GHR: variants seen among roughly 807,000 people sequenced by gnomAD.
The protein encoded by GHR is GH receptor.
In GHR, 35 loss-of-function variants were observed where a neutral mutation model predicts 67.1. That is an observed-to-expected ratio of 0.52 (90% CI 0.40 to 0.69). The LOEUF is 0.69. Ranked by LOEUF, GHR falls within the 30% of genes least tolerant of loss-of-function variation. The pLI is 0.00. For missense variants in GHR, 792 were observed against 764.6 expected (o/e 1.04, Z -0.42); for synonymous variants, 272 against 269.1 (o/e 1.01, Z -0.10).
At chr5:42,535,335 T>G (rs1318589135) in intron 1 of GHR, among the ~76,000 whole-genome samples, 1 of 152,140 alleles carries the variant, frequency 6.6e-6, no homozygotes, top group Non-Finnish European at 1.5e-5. Context: ...ATTTTTTGTA[T>G]GAGGTAAGAG....
At position 42,711,378 on chromosome 5, in the gene GHR, AG is replaced by A; in HGVS notation, c.784+7del. The A allele has an allele frequency of 6.3e-7, 1 of 1,597,726 alleles. No homozygotes were observed. The highest frequency in any genetic ancestry group is 2.2e-5 in the East Asian group (1 of 44,766). Reference sequence around the variant, plus strand: ...CCAATTTACATGTGAAGAAGGTAAAAGAAATAAAAGATTAAAATAGTAGCTA... The same window carrying A: ...CCAATTTACATGTGAAGAAGGTAAAAAAATAAAAGATTAAAATAGTAGCTA... On this transcript the variant is annotated splice_region_variant and intron_variant, in intron 7 of 9. Coordinates refer to ENST00000230882, the MANE Select transcript of GHR (RefSeq NM_000163.5).
chr5:42,602,379 C>T (rs944886220), intron 2 of GHR, among the ~76,000 whole-genome samples: 2 of 152,090 alleles, frequency 1.3e-5, no homozygotes, highest in Non-Finnish European at 2.9e-5. Context: ...TTTTCCATCA[C>T]TTACCTTTTA....
intron 3 of GHR, among the ~76,000 whole-genome samples, chr5:42,656,927 G>T (rs573036550): frequency 6.6e-6 from 1 of 152,206 alleles, no homozygotes; most frequent in East Asian, 1.9e-4. Flanking sequence ...TTGAATATCA[G>T]TACTCAAAAT....
chr5:42,607,272 G>A (rs763679125), intron 2 of GHR, among the ~76,000 whole-genome samples: 4 of 152,154 alleles, frequency 2.6e-5, no homozygotes, highest in Non-Finnish European at 4.4e-5. Context: ...GGTGAAAACA[G>A]AATAATATAA....
rs1203590408 is a variant in GHR at position 42,719,249 on chromosome 5, C to T, written c.1742C>T (p.Thr581Ile). The change falls in exon 10 of 10, where the codon ACA becomes ATA. Residue 581 changes from threonine to isoleucine, a missense_variant. Transcript: ENST00000230882. ...SLTTAAGRPG[T>I]GEHVPGSEMP... ...ACCACTGCTGCTGGGAGGCCTGGGA[C>T]AGGAGAACATGTTCCAGGTTCTGAG... The T allele has an allele frequency of 6.2e-7, 1 of 1,614,026 alleles. No individual in the cohort carries two copies. The highest frequency in any genetic ancestry group is 8.5e-7 in the Non-Finnish European group (1 of 1,179,936).
intron 1 of GHR, among the ~76,000 whole-genome samples, chr5:42,441,163 A>G (rs1743553349): frequency 6.6e-6 from 1 of 152,218 alleles, no homozygotes; most frequent in Non-Finnish European, 1.5e-5. Flanking sequence ...GAGAACTCCA[A>G]CATTTAAAGG....
chr5:42,514,612 G>T (rs1283234158), intron 1 of GHR, among the ~76,000 whole-genome samples: 1 of 152,166 alleles, frequency 6.6e-6, no homozygotes, highest in East Asian at 1.9e-4. Flanking sequence ...CGGAGGCAAA[G>T]ACAGTGACTA....
intron 1 of GHR, among the ~76,000 whole-genome samples, chr5:42,495,024 A>G (rs1195442490): frequency 6.6e-6 from 1 of 151,954 alleles, no homozygotes; most frequent in Admixed American, 6.6e-5. Context: ...GCTAGCCTCC[A>G]TGTTGTATTA....
At chr5:42,587,531 C>G (rs114308958) in intron 2 of GHR, among the ~76,000 whole-genome samples, 2 of 152,180 alleles carry the variant, frequency 1.3e-5, no homozygotes, top group Admixed American at 6.5e-5. Flanking sequence ...GAACTTATCG[C>G]TAGTCTAAAC....
intron 1 of GHR, among the ~76,000 whole-genome samples, chr5:42,443,950 T>C (rs1442027376): frequency 1.4e-5 from 2 of 146,334 alleles, no homozygotes; most frequent in African/African-American, 2.6e-5. Flanking sequence ...GATATAGATA[T>C]AGATATAGAT....
chr5:42,654,535 G>A (rs924116263), intron 3 of GHR, among the ~76,000 whole-genome samples: 1 of 152,008 alleles, frequency 6.6e-6, no homozygotes, highest in Non-Finnish European at 1.5e-5. Flanking sequence ...TCTTCCAAAT[G>A]TGAGCCTCTA....
At chr5:42,501,282 C>T (rs1170377248) in intron 1 of GHR, among the ~76,000 whole-genome samples, 1 of 152,134 alleles carries the variant, frequency 6.6e-6, no homozygotes, top group Non-Finnish European at 1.5e-5. Flanking sequence ...AAGTGTCAAG[C>T]TGTCATGCTT....
chr5:42,489,108 C>T (rs982138604), intron 1 of GHR, among the ~76,000 whole-genome samples: 3 of 152,086 alleles, frequency 2.0e-5, no homozygotes, highest in Non-Finnish European at 4.4e-5. Flanking sequence ...TCACTTTCTG[C>T]CCTATACGTA....
chr5:42,486,737 C>T (rs921741632), intron 1 of GHR, among the ~76,000 whole-genome samples: 1 of 151,816 alleles, frequency 6.6e-6, no homozygotes, highest in East Asian at 1.9e-4. Context: ...GTCCCAGCTA[C>T]TCGGGAGGCT....
chr5:42,596,680 AGCTCCTC>A (rs879567749), intron 2 of GHR, among the ~76,000 whole-genome samples: 3 of 152,192 alleles, frequency 2.0e-5, no homozygotes, highest in Non-Finnish European at 2.9e-5. Context: ...AGGTAGTATC[AGCTCCTC>A]TCCTGATATG....
At chr5:42,471,289 A>G (rs931237030) in intron 1 of GHR, among the ~76,000 whole-genome samples, 4 of 152,310 alleles carry the variant, frequency 2.6e-5, no homozygotes, top group Admixed American at 2.0e-4. Flanking sequence ...AAGGAATTCA[A>G]ATCAACTCAA....
chr5:42,467,567 A>T (rs1024274728), intron 1 of GHR: 1 of 1,552,636 alleles, frequency 6.4e-7, no homozygotes, highest in Non-Finnish European at 8.8e-7. Flanking sequence ...TTTTCTAAGG[A>T]GAGGTTTTTT....
At chr5:42,443,677 A>T (rs1743680244) in intron 1 of GHR, among the ~76,000 whole-genome samples, 1 of 152,042 alleles carries the variant, frequency 6.6e-6, no homozygotes, top group African/African-American at 2.4e-5. Flanking sequence ...GAGACTCGCA[A>T]GTTCAAAATG....
chr5:42,454,311 A>G (rs917412281), intron 1 of GHR, among the ~76,000 whole-genome samples: 1 of 152,228 alleles, frequency 6.6e-6, no homozygotes, highest in African/African-American at 2.4e-5. Context: ...TGGACAGACT[A>G]AGGACCTCTG....
Sources: allele counts gnomAD v4.1 joint callset (sites outside exome capture counted in the v4.1 genomes callset), GRCh38; gene constraint gnomAD v4.1.1; transcripts MANE v1.5; gene names NCBI Gene and HGNC (gene_info 2026-07-23, HGNC 2026-07-21).